The following TTC34 variants were observed in gnomAD, a reference collection of about 807,000 sequenced individuals.
TTC34 encodes tetratricopeptide repeat protein 34.
Under a neutral mutation model 40.7 loss-of-function variants are expected in TTC34, and 44 were observed. The ratio of observed to expected loss-of-function variants is 1.08; its 90% CI spans 0.85 to 1.39. The LOEUF (loss-of-function observed/expected upper bound fraction) is 1.39. Ranked by LOEUF, TTC34 falls within the 40% of genes most tolerant of loss-of-function variation. The pLI is 0.00. For synonymous variants in TTC34, 422 were observed against 398.6 expected, an observed-to-expected ratio of 1.06 and a Z score of -0.70; for missense variants, 884 against 838.0, an observed-to-expected ratio of 1.05 and a Z score of -0.68.
chr1:2,651,671 AC>A (rs1195449985), intron 6 of TTC34, among the ~76,000 whole-genome samples: 2 of 144,028 alleles, frequency 1.4e-5, no homozygotes, highest in East Asian at 2.1e-4. Flanking sequence ...CTGGGAAGTC[AC>A]CCCCACACCC....
At chr1:2,644,965 C>T (rs551247247) in intron 7 of TTC34, among the ~76,000 whole-genome samples, 53 of 151,986 alleles carry the variant, frequency 3.5e-4, no homozygotes, top group Non-Finnish European at 6.5e-4. Context: ...CCTGCCATCC[C>T]GTGGGTGCCC....
chr1:2,655,035 C>A (rs557997085), intron 6 of TTC34, among the ~76,000 whole-genome samples: 370 of 108,198 alleles, frequency 3.4e-3, no homozygotes, highest in Non-Finnish European at 5.3e-3. Context: ...ATCTGACAGC[C>A]CGGAACAGCA....
rs1398471244 is a variant in TTC34, at chr1:2,783,628, AG to A, written c.2206del (p.Leu736TrpfsTer3). 6.9e-7 allele frequency: 1 copy of A among 1,447,548 alleles called. No homozygotes were observed. Among genetic ancestry groups the A allele is most frequent in the Admixed American group, 2.3e-5 (1 of 43,844 alleles). The allele number at this position is 1,447,548 out of a possible 1,614,324, so 89.7% of individuals were successfully genotyped here. ...CGGCACCTGCAGCTGGTCTAGGGCC[AG>A]GTGCACCAACGCCCGTCCACACAGT... On this transcript the variant is annotated frameshift_variant, in exon 6 of 9. Transcript: ENST00000401095. LOFTEE classifies it high-confidence loss of function.
At chr1:2,775,975 T>G (rs1402092843) in intron 6 of TTC34, 1 of 107,224 alleles carries the variant, frequency 9.3e-6, no homozygotes, top group Non-Finnish European at 1.8e-5. Context: ...GATGCTCACC[T>G]GGGGACGCGT....
chr1:2,752,776 C>A lies in TTC34; in HGVS notation c.2226+30833G>T, dbSNP rs1293942659. On this transcript the variant is annotated intron_variant, in intron 6 of 8. Transcript: ENST00000401095. ...ACAGCGTGGAACAGCACCCATACGC[C>A]CAGATAAGCATGTGACAGCCTGGAA... Among the ~76,000 whole-genome samples, 7 of 127,504 alleles carry A rather than the reference C, an allele frequency of 5.5e-5. 2 individuals carry two copies. The highest frequency in any genetic ancestry group is 5.4e-4 in the South Asian group (2 of 3,698). 83.6% of individuals were successfully genotyped at this position (127,504 alleles called of 152,430 possible). A position where few individuals can be genotyped will look rare whatever the true frequency, so the allele number is the denominator to read the frequency against.
At chr1:2,690,125 A>G (rs1640548774) in intron 6 of TTC34, among the ~76,000 whole-genome samples, 1 of 147,286 alleles carries the variant, frequency 6.8e-6, no homozygotes. Flanking sequence ...GACTGCCTGG[A>G]ACAGCACCCA....
chr1:2,692,631 G>C (rs1377309322), intron 6 of TTC34, among the ~76,000 whole-genome samples: 1 of 144,882 alleles, frequency 6.9e-6, no homozygotes, highest in East Asian at 2.0e-4. Context: ...ACACCCCCAG[G>C]TGAGCATCTG....
At chr1:2,768,331 G>A (rs1237093695) in intron 6 of TTC34, among the ~76,000 whole-genome samples, 3 of 152,070 alleles carry the variant, frequency 2.0e-5, no homozygotes, top group Admixed American at 6.6e-5. Context: ...GTGGTGTTCC[G>A]GGTTATCAGA....
intron 6 of TTC34, among the ~76,000 whole-genome samples, chr1:2,755,982 G>C (rs1641492335): frequency 1.8e-5 from 1 of 55,536 alleles, no homozygotes; most frequent in Non-Finnish European, 3.0e-5. Context: ...ACAGCACCCT[G>C]CAACCCAGGT....
chr1:2,765,769 T>C (rs1365132496), intron 6 of TTC34, among the ~76,000 whole-genome samples: 1 of 35,758 alleles, frequency 2.8e-5, no homozygotes, highest in Non-Finnish European at 4.3e-5. Flanking sequence ...CAGGTGAGCA[T>C]GTGACAGCCT....
At chr1:2,671,733 A>ACC (rs1639707644) in intron 6 of TTC34, among the ~76,000 whole-genome samples, 1 of 46,560 alleles carries the variant, frequency 2.1e-5, no homozygotes, top group Non-Finnish European at 5.2e-5. Context: ...ATCTGACAGC[A>ACC]TGGAGCAGCA....
chr1:2,695,723 T>G (rs1460247666), intron 6 of TTC34, among the ~76,000 whole-genome samples: 1 of 126,656 alleles, frequency 7.9e-6, no homozygotes, highest in African/African-American at 2.8e-5. Context: ...CACCCCCAGG[T>G]GAGCAGCTGA....
chr1:2,694,467 C>T (rs575633886), intron 6 of TTC34, among the ~76,000 whole-genome samples: 14 of 121,826 alleles, frequency 1.1e-4, no homozygotes, highest in African/African-American at 4.3e-4. Flanking sequence ...GCAGCACCCA[C>T]AACCCCAGGC....
chr1:2,791,004 C>A (rs888992678), intron 2 of TTC34, among the ~76,000 whole-genome samples: 24 of 152,304 alleles, frequency 1.6e-4, no homozygotes, highest in African/African-American at 5.8e-4. Flanking sequence ...TAATGATCCA[C>A]GCTCGCAGGG....
rs1422022976 is a variant in TTC34 at position 2,755,048 on chromosome 1, C to T, written c.2226+28561G>A. On this transcript the variant is annotated intron_variant, in intron 6 of 8. Transcript: ENST00000401095. ...CAAGTGAGCATCTGACAGCCTGGAACAGCACCCTGCACCCCCAGGTGCGCA... is the reference window on the plus strand; with the variant it reads ...CAAGTGAGCATCTGACAGCCTGGAATAGCACCCTGCACCCCCAGGTGCGCA... 3.5e-4 allele frequency among the ~76,000 whole-genome samples: 22 copies of T among 62,208 alleles called. 2 individuals are homozygous for T. The highest frequency in any genetic ancestry group is 5.7e-4 in the Non-Finnish European group (21 of 37,138). The allele number at this position is 62,208 out of a possible 152,430, so 40.8% of individuals were successfully genotyped here.
chr1:2,778,701 C>T (rs921378353), intron 6 of TTC34, among the ~76,000 whole-genome samples: 1 of 152,216 alleles, frequency 6.6e-6, no homozygotes, highest in Non-Finnish European at 1.5e-5. Flanking sequence ...CCAGGAGGGG[C>T]AGCACCCACC....
At chr1:2,695,165 G>C (rs530371979) in intron 6 of TTC34, among the ~76,000 whole-genome samples, 3 of 72,084 alleles carry the variant, frequency 4.2e-5, no homozygotes, top group African/African-American at 1.6e-4. Flanking sequence ...CCCCAGGAGA[G>C]CATCTGACAG....
At chr1:2,674,698 C>T (rs1570786403) in intron 6 of TTC34, among the ~76,000 whole-genome samples, 1 of 70,376 alleles carries the variant, frequency 1.4e-5, no homozygotes, top group African/African-American at 5.6e-5. Context: ...GAGCATCTGA[C>T]AGCCTGGAAC....
chr1:2,683,448 C>T (rs1420666913), intron 6 of TTC34, among the ~76,000 whole-genome samples: 92 of 96,616 alleles, frequency 9.5e-4, no homozygotes, highest in Admixed American at 1.6e-3. Flanking sequence ...GGTGAGCATC[C>T]GACAGCCTGG....
Sources: allele counts gnomAD v4.1 joint callset (sites outside exome capture counted in the v4.1 genomes callset), GRCh38; gene constraint gnomAD v4.1.1; transcripts MANE v1.5; gene names NCBI Gene and HGNC (gene_info 2026-07-23, HGNC 2026-07-21).